The following G6PC1 variants were observed in gnomAD, a reference collection of about 807,000 sequenced individuals.
The protein encoded by G6PC1 is G-6-Pase.
A neutral mutation model predicts 30.4 loss-of-function variants in G6PC1; 23 were observed. That is an observed-to-expected ratio of 0.76 (90% CI 0.55 to 1.07). The LOEUF (loss-of-function observed/expected upper bound fraction) is 1.07, where lower values mean the gene tolerates loss of function less well. G6PC1 is among the 50% of genes least tolerant of loss of function. The probability of loss-of-function intolerance (pLI) is 0.00; values close to 1 mark genes in which losing one functional copy is unlikely to be tolerated. For synonymous variants in G6PC1, 163 were observed against 175.6 expected (o/e 0.93, Z 0.57); for missense variants, 391 against 433.9 (o/e 0.90, Z 0.88).
chr17:42,910,904 C>T lies in G6PC1; in HGVS notation c.563-11C>T. On this transcript the variant is annotated splice_polypyrimidine_tract_variant and intron_variant, in intron 4 of 4. Transcript: ENST00000253801. ...TTCCTATCTCTCACAGTCATGCTTT[C>T]TTCCACTCAGGCATTGCTGTTGCAG... 6.2e-7 allele frequency: 1 copy of T among 1,614,048 alleles called. No homozygotes were observed. The highest frequency in any genetic ancestry group is 8.5e-7 in the Non-Finnish European group (1 of 1,179,920).
At chr17:42,904,571 T>C (rs896007795) in intron 2 of G6PC1, among the ~76,000 whole-genome samples, 2 of 152,186 alleles carry the variant, frequency 1.3e-5, no homozygotes, top group Admixed American at 6.5e-5. Context: ...TATCCCTTCC[T>C]CAGAGACCCT....
rs774585761 is a variant in G6PC1 at position 42,909,390 on chromosome 17, T to C, written c.534T>C (p.Pro178=). The part of the protein sequence containing the change: ...LSRIYLAAHF[P]HQVVAGVLSG... ...GAATCTACCTTGCTGCTCATTTTCC[T>C]CATCAAGTTGTTGCTGGAGTCCTGT... The change falls in exon 4 of 5, where the codon CCT becomes CCC. Residue 178 remains proline, a synonymous_variant. Transcript: ENST00000253801. 3 of 1,614,120 alleles carry C rather than the reference T, an allele frequency of 1.9e-6. No individual in the cohort carries two copies.
intron 3 of G6PC1, 85 bp downstream of exon 3, chr17:42,907,713 A>G: frequency 3.2e-6 from 3 of 934,026 alleles, no homozygotes; most frequent in Non-Finnish European, 5.2e-6. Flanking sequence ...TCTTCCTCAC[A>G]TCCCCCTAGC....
At chr17:42,902,874 A>G (rs1180690595) in intron 1 of G6PC1, among the ~76,000 whole-genome samples, 1 of 152,004 alleles carries the variant, frequency 6.6e-6, no homozygotes, top group Non-Finnish European at 1.5e-5. Flanking sequence ...AATGCAGGCC[A>G]TGTTTCCCTG....
Position 42,911,910 on chromosome 17 carries a change from T to G in G6PC1, c.*484T>G. On this transcript the variant is annotated 3_prime_UTR_variant, in exon 5 of 5. Transcript: ENST00000253801. ...CTAGAAGTTGGGTTGTTCTGGATTT[T>G]CCCCTGAAGACTTACTTATTCTTCC... 1 of 172,804 alleles carries G rather than the reference T, an allele frequency of 5.8e-6. No individual in the cohort carries two copies. The highest frequency in any genetic ancestry group is 1.3e-5 in the Non-Finnish European group (1 of 79,874). 10.7% of individuals were successfully genotyped at this position (172,804 alleles called of 1,614,324 possible). A position where few individuals can be genotyped will look rare whatever the true frequency, so the allele number is the denominator to read the frequency against.
At chr17:42,904,119 C>A in intron 2 of G6PC1, 79 bp downstream of exon 2, 1 of 921,390 alleles carries the variant, frequency 1.1e-6, no homozygotes. Context: ...CTTGAGGGGA[C>A]ATGAGGAGAG....
rs2056107629 is a variant in G6PC1, at chr17:42,913,252, C to T, written c.*1826C>T. Reference sequence around the variant, plus strand: ...TACCATACATTATCATTCAAAACAACCATCCTGCTCATAACATCTTTGAAA... The same window carrying T: ...TACCATACATTATCATTCAAAACAATCATCCTGCTCATAACATCTTTGAAA... On this transcript the variant is annotated 3_prime_UTR_variant, in exon 5 of 5. Transcript: ENST00000253801. The T allele has an allele frequency of 6.6e-6, 1 of 152,178 alleles. No homozygotes were observed. Among genetic ancestry groups the T allele is most frequent in the South Asian group, 2.1e-4 (1 of 4,830 alleles). 9.4% of individuals were successfully genotyped at this position (152,178 alleles called of 1,614,324 possible). A position where few individuals can be genotyped will look rare whatever the true frequency, so the allele number is the denominator to read the frequency against.
At chr17:42,904,295 C>T (rs978807031) in intron 2 of G6PC1, 10 of 460,324 alleles carry the variant, frequency 2.2e-5, no homozygotes, top group Middle Eastern at 1.3e-3. Context: ...TGAGAGTCAC[C>T]GCCCTGCAGC....
intron 1 of G6PC1, among the ~76,000 whole-genome samples, chr17:42,903,567 A>G (rs995281409): frequency 6.6e-6 from 1 of 151,884 alleles, no homozygotes; most frequent in Non-Finnish European, 1.5e-5. Flanking sequence ...TACAAAAACT[A>G]GCTGGATGTG....
At chr17:42,907,154 G>T (rs2056066870) in intron 2 of G6PC1, among the ~76,000 whole-genome samples, 1 of 152,156 alleles carries the variant, frequency 6.6e-6, no homozygotes. Flanking sequence ...AGAAGGAACA[G>T]AAGATGTGGA....
Position 42,911,171 on chromosome 17 carries a change from G to A in G6PC1, c.819G>A (p.Leu273=). Residue 273 remains leucine (L), a synonymous_variant, in exon 5 of 5, where the codon CTG becomes CTA. Coordinates refer to ENST00000253801, the MANE Select transcript of G6PC1 (RefSeq NM_000151.4). ...KNLGTLFGLG[L]ALNSSMYRES... ...TGGGCACGCTCTTTGGCCTGGGGCT[G>A]GCTCTCAACTCCAGCATGTACAGGG... The A allele has an allele frequency of 6.2e-7, 1 of 1,614,132 alleles. No individual in the cohort carries two copies. The highest frequency in any genetic ancestry group is 1.1e-5 in the South Asian group (1 of 91,082).
chr17:42,911,376 C>T lies in G6PC1; in HGVS notation c.1024C>T (p.Pro342Ser). The part of the protein sequence containing the change: ...VVPLASVSVI[P>S]YCLAQVLGQP... ...GCCCCTGGCATCCGTCAGTGTCATCCCCTACTGCCTCGCCCAGGTCCTGGG... is the reference window on the plus strand; with the variant it reads ...GCCCCTGGCATCCGTCAGTGTCATCTCCTACTGCCTCGCCCAGGTCCTGGG... The change falls in exon 5 of 5, where the codon CCC (proline) becomes TCC (serine). Residue 342 changes from proline to serine, a missense_variant. Physicochemically the swap from Pro to Ser is moderately conservative, Grantham distance 74. Transcript: ENST00000253801. 6.2e-7 allele frequency: 1 copy of T among 1,614,178 alleles called. No individual in the cohort carries two copies. Among genetic ancestry groups the T allele is most frequent in the Non-Finnish European group, 8.5e-7 (1 of 1,180,028 alleles).
intron 2 of G6PC1, among the ~76,000 whole-genome samples, chr17:42,905,494 ATTG>A (rs1205065182): frequency 7.4e-6 from 1 of 136,054 alleles, no homozygotes; most frequent in Admixed American, 7.6e-5. Context: ...CTAGAAAATG[ATTG>A]TTTATAGGCA....
rs34537381 is a variant in G6PC1 at position 42,911,443 on chromosome 17, G to A, written c.*17G>A. 374 of 1,614,008 alleles carry A rather than the reference G, an allele frequency of 2.3e-4. 4 individuals are homozygous for A. In the East Asian group the frequency reaches 6.3e-3, roughly 27 times the overall value. On this transcript the variant is annotated 3_prime_UTR_variant, in exon 5 of 5. Transcript: ENST00000253801. Reference sequence around the variant, plus strand: ...TCGTTGTAAGAGATGTGGAGTCTTCGGTGTTTAAAGTCAACAACCATGCCA... The same window carrying A: ...TCGTTGTAAGAGATGTGGAGTCTTCAGTGTTTAAAGTCAACAACCATGCCA...
chr17:42,908,468 G>A (rs866584943), intron 3 of G6PC1, among the ~76,000 whole-genome samples: 2 of 150,284 alleles, frequency 1.3e-5, no homozygotes, highest in South Asian at 2.1e-4. Context: ...GTGCAGTGGC[G>A]CCATCTCGCC....
rs187889355 is a variant in G6PC1 at position 42,906,426 on chromosome 17, C to G, written c.341-1097C>G. On this transcript the variant is annotated intron_variant, in intron 2 of 4. Coordinates refer to ENST00000253801, the MANE Select transcript of G6PC1 (RefSeq NM_000151.4). Reference sequence around the variant, plus strand: ...GAGCGTAACCTTGATCAAGGCGACTCTCTTTAGCCCAGGGCAATGCCAGGA... The same window carrying G: ...GAGCGTAACCTTGATCAAGGCGACTGTCTTTAGCCCAGGGCAATGCCAGGA... 8.2e-4 allele frequency among the ~76,000 whole-genome samples: 125 copies of G among 152,260 alleles called. 1 individual carries two copies. The East Asian group carries it at 0.023, about 28-fold the overall frequency.
At chr17:42,907,442 C>T in intron 2 of G6PC1, 81 bp from the exon 3 acceptor site, 1 of 900,004 alleles carries the variant, frequency 1.1e-6, no homozygotes. Context: ...AGGGGGATGG[C>T]TGGGTGGCTG....
rs529957748 is a variant in G6PC1, at chr17:42,911,231, A to G, written c.879A>G (p.Pro293=). The stretch of plus-strand genomic sequence containing the variant: ...AGGGGAAACTCAGCAAGTGGCTCCC[A>G]TTCCGCCTCAGCTCTATTGTAGCCT... ...SCKGKLSKWL[P]FRLSSIVASL... The change falls in exon 5 of 5, where the codon CCA becomes CCG. Residue 293 remains proline, a synonymous_variant. Coordinates refer to ENST00000253801, the MANE Select transcript of G6PC1 (RefSeq NM_000151.4). The G allele has an allele frequency of 1.6e-5, 26 of 1,614,186 alleles. No homozygotes were observed. In the East Asian group the frequency reaches 3.3e-4, roughly 21 times the overall value.
At position 42,901,161 on chromosome 17, in the gene G6PC1, G is replaced by T. The variant is rs752401224; in HGVS notation, c.230+55G>T. The T allele has an allele frequency of 1.6e-5, 23 of 1,454,766 alleles. No homozygotes were observed. The South Asian group carries it at 2.5e-4, about 16-fold the overall frequency. 90.1% of individuals were successfully genotyped at this position (1,454,766 alleles called of 1,614,324 possible). On this transcript the variant is annotated intron_variant, in intron 1 of 4. Transcript: ENST00000253801. ...AGAAAAGAGGCTGGCATTCGCTCTC[G>T]CAATGTCTGTCCATCAGAAGTTGCT... is the stretch of plus-strand genomic sequence containing the variant.
Sources: gnomAD v4.1 joint callset for allele counts (sites outside exome capture counted in the v4.1 genomes callset) on GRCh38, gnomAD v4.1.1 for gene constraint, MANE v1.5 for transcripts, NCBI Gene and HGNC (gene_info 2026-07-23, HGNC 2026-07-21) for gene names.